GALNT18: variants seen among roughly 807,000 people sequenced by gnomAD.
GALNT18 encodes the protein polypeptide N-acetylgalactosaminyltransferase 18, also known as GalNAc-transferase 18.
Under a neutral mutation model 69.5 loss-of-function variants are expected in GALNT18, and 44 were observed. The ratio of observed to expected loss-of-function variants is 0.63; its 90% confidence interval spans 0.50 to 0.81. GALNT18 has a LOEUF of 0.81. Ranked by LOEUF, GALNT18 falls within the 40% of genes least tolerant of loss-of-function variation. The probability of loss-of-function intolerance (pLI) is 0.00; values close to 1 mark genes in which losing one functional copy is unlikely to be tolerated. For missense variants in GALNT18, 715 were observed against 810.0 expected (o/e 0.88, Z 1.42); for synonymous variants, 364 against 318.2 (o/e 1.14, Z -1.53).
intron 1 of GALNT18, among the ~76,000 whole-genome samples, chr11:11,565,842 T>C (rs891244420): frequency 1.6e-4 from 24 of 152,298 alleles, no homozygotes; most frequent in African/African-American, 4.3e-4. Context: ...GAACAGGAAG[T>C]TAAAAAGGTT....
intron 4 of GALNT18, among the ~76,000 whole-genome samples, chr11:11,378,837 C>T (rs1167948809): frequency 6.6e-6 from 1 of 152,150 alleles, no homozygotes; most frequent in Non-Finnish European, 1.5e-5. Context: ...TGTGATGTCA[C>T]CATGCATATT....
chr11:11,345,844 A>G (rs1253294518), intron 6 of GALNT18, among the ~76,000 whole-genome samples: 2 of 152,190 alleles, frequency 1.3e-5, no homozygotes, highest in Non-Finnish European at 2.9e-5. Context: ...GGGCACAGGA[A>G]GAAACCACCA....
At chr11:11,447,842 A>G (rs1564954173) in intron 2 of GALNT18, among the ~76,000 whole-genome samples, 1 of 152,202 alleles carries the variant, frequency 6.6e-6, no homozygotes, top group Non-Finnish European at 1.5e-5. Flanking sequence ...TCAAGATGAG[A>G]CTTGGGTGGA....
rs370186868 is a variant in GALNT18, at chr11:11,366,847, G to C, written c.1092+5668C>G. On this transcript the variant is annotated intron_variant, in intron 6 of 10. Coordinates refer to ENST00000227756, the MANE Select transcript of GALNT18 (RefSeq NM_198516.3). Reference sequence around the variant, plus strand: ...AGCTATTGGTATTTTGCCAGGGCATGTATAGGTATTAGGTTCTCCATGATT... The same window carrying C: ...AGCTATTGGTATTTTGCCAGGGCATCTATAGGTATTAGGTTCTCCATGATT... 5.9e-5 allele frequency among the ~76,000 whole-genome samples: 9 copies of C among 152,302 alleles called. No individual in the cohort carries two copies. In the East Asian group the frequency reaches 1.5e-3, roughly 26 times the overall value.
Position 11,573,203 on chromosome 11 carries a change from C to T in GALNT18, c.235+48156G>A, listed in dbSNP as rs1382448584. 6.6e-6 allele frequency among the ~76,000 whole-genome samples: 1 copy of T among 152,168 alleles called. No homozygotes were observed. Among genetic ancestry groups the T allele is most frequent in the Non-Finnish European group, 1.5e-5 (1 of 68,032 alleles). On this transcript the variant is annotated intron_variant, in intron 1 of 10. Coordinates refer to ENST00000227756, the MANE Select transcript of GALNT18 (RefSeq NM_198516.3). The surrounding 1 kb of genome is among the most constrained non-coding windows in gnomAD (Gnocchi z 4.6). Reference sequence around the variant, plus strand: ...GCATGTTCATGTTCATTATGGTGGGCGGCCTTGACTCATACTTGACATGGA... The same window carrying T: ...GCATGTTCATGTTCATTATGGTGGGTGGCCTTGACTCATACTTGACATGGA...
At chr11:11,395,690 G>A (rs1854309775) in intron 3 of GALNT18, among the ~76,000 whole-genome samples, 1 of 152,198 alleles carries the variant, frequency 6.6e-6, no homozygotes, top group Admixed American at 6.5e-5. Context: ...AGGTAATGAT[G>A]CAAAGAAAAG....
chr11:11,390,076 A>G (rs992813419), intron 3 of GALNT18, among the ~76,000 whole-genome samples: 3 of 152,170 alleles, frequency 2.0e-5, no homozygotes, highest in African/African-American at 7.2e-5. Flanking sequence ...AACTCCCAGG[A>G]TTCTGAGATC....
intron 3 of GALNT18, among the ~76,000 whole-genome samples, chr11:11,427,338 C>T (rs1855156219): frequency 6.6e-6 from 1 of 152,188 alleles, no homozygotes. Context: ...TTCCTTTGCC[C>T]TGTTCCTCAG....
rs958224650 is a variant in GALNT18, at chr11:11,356,913, T to C, written c.1092+15602A>G. ...TAACCATAAAACTTTTACAACGTAC[T>C]TTTAAACTGCGTCTACTCAGCTGCT... On this transcript the variant is annotated intron_variant, in intron 6 of 10. Coordinates refer to ENST00000227756, the MANE Select transcript of GALNT18 (RefSeq NM_198516.3). This position sits in a 1 kb window ranked among gnomAD's most constrained non-coding sequence, Gnocchi z 4.4. 2.0e-5 allele frequency among the ~76,000 whole-genome samples: 3 copies of C among 152,208 alleles called. No homozygotes were observed. The highest frequency in any genetic ancestry group is 2.0e-4 in the Admixed American group (3 of 15,278).
intron 6 of GALNT18, chr11:11,353,449 G>A (rs566089114): frequency 5.2e-5 from 23 of 439,870 alleles, no homozygotes; most frequent in African/African-American, 1.4e-4. Flanking sequence ...GTGAGGCACC[G>A]TCTCCTTGTG....
chr11:11,280,642 G>A (rs993312089), intron 10 of GALNT18, among the ~76,000 whole-genome samples: 3 of 152,156 alleles, frequency 2.0e-5, no homozygotes, highest in African/African-American at 4.8e-5. Context: ...GGACAATTTT[G>A]TATAATTTTC....
intron 3 of GALNT18, among the ~76,000 whole-genome samples, chr11:11,414,720 A>G (rs946411829): frequency 6.6e-6 from 1 of 152,186 alleles, no homozygotes; most frequent in African/African-American, 2.4e-5. Context: ...GACTGGGTCA[A>G]TCTCATATTC....
At chr11:11,578,193 G>C (rs73413624) in intron 1 of GALNT18, among the ~76,000 whole-genome samples, 2 of 152,058 alleles carry the variant, frequency 1.3e-5, no homozygotes, top group Non-Finnish European at 2.9e-5. Context: ...CATGGCATAA[G>C]GGCAGGGAGG....
intron 1 of GALNT18, among the ~76,000 whole-genome samples, chr11:11,504,151 C>T (rs982442692): frequency 2.6e-5 from 4 of 152,178 alleles, no homozygotes; most frequent in Non-Finnish European, 5.9e-5. Context: ...GCATGTGCCA[C>T]AGAGCCTGCA....
In GALNT18 at chr11:11,372,708, G is replaced by A. The variant is rs1202561796; in HGVS notation, c.978-79C>T. ...AAGAGCAGTAAGGCCTTCCTATCAG[G>A]AGGGTCTGGTTCTCTTCCTTCCTTT... is the stretch of plus-strand genomic sequence containing the variant. On this transcript the variant is annotated intron_variant, in intron 5 of 10. Transcript: ENST00000227756. The surrounding 1 kb of genome is among the most constrained non-coding windows in gnomAD (Gnocchi z 4.9). The A allele has an allele frequency of 3.6e-6, 4 of 1,099,688 alleles. No homozygotes were observed. The East Asian group carries it at 9.9e-5, about 27-fold the overall frequency. The allele number at this position is 1,099,688 out of a possible 1,614,324, so 68.1% of individuals were successfully genotyped here.
chr11:11,490,002 G>T (rs576252854), intron 1 of GALNT18, among the ~76,000 whole-genome samples: 1 of 152,116 alleles, frequency 6.6e-6, no homozygotes, highest in Non-Finnish European at 1.5e-5. Flanking sequence ...AAAAGCCTGC[G>T]TTGGAAACTT....
chr11:11,375,661 C>T (rs1293927159), intron 5 of GALNT18, among the ~76,000 whole-genome samples: 2 of 152,220 alleles, frequency 1.3e-5, no homozygotes, highest in East Asian at 3.9e-4. Context: ...GTCTTGCTCT[C>T]CTCCTCTTGT....
Position 11,430,577 on chromosome 11 carries a change from T to C in GALNT18, c.595+2044A>G, listed in dbSNP as rs1334028836. On this transcript the variant is annotated intron_variant, in intron 3 of 10. Transcript: ENST00000227756. This position sits in a 1 kb window ranked among gnomAD's most constrained non-coding sequence, Gnocchi z 4.9. ...GGGTGCTGCTCGTCTGCATCCCTGA[T>C]GACGGACTACTGCACCAGGGCATTG... 1.3e-5 allele frequency among the ~76,000 whole-genome samples: 2 copies of C among 152,248 alleles called. No individual in the cohort carries two copies. Among genetic ancestry groups the C allele is most frequent in the Non-Finnish European group, 2.9e-5 (2 of 68,034 alleles).
intron 10 of GALNT18, among the ~76,000 whole-genome samples, chr11:11,272,152 A>G (rs988162940): frequency 1.3e-5 from 2 of 151,970 alleles, no homozygotes; most frequent in African/African-American, 4.8e-5. Flanking sequence ...ATATGGTCAA[A>G]CTCACTTTTT....
Sources: gnomAD v4.1 joint callset for allele counts (sites outside exome capture counted in the v4.1 genomes callset) on GRCh38, gnomAD v4.1.1 for gene constraint, Gnocchi (gnomAD v3.1) non-coding constraint, MANE v1.5 for transcripts, NCBI Gene and HGNC (gene_info 2026-07-23, HGNC 2026-07-21) for gene names.